LAMA3: variants seen among roughly 807,000 people sequenced by gnomAD.
LAMA3 encodes laminin subunit alpha-3.
Under a neutral mutation model 402.0 loss-of-function variants are expected in LAMA3, and 281 were observed. The ratio of observed to expected loss-of-function variants is 0.70; its 90% CI spans 0.63 to 0.77. The LOEUF (loss-of-function observed/expected upper bound fraction) is 0.77, where lower values mean the gene tolerates loss of function less well. LAMA3 is among the 30% of genes least tolerant of loss of function. The probability of loss-of-function intolerance (pLI) is 0.00; values close to 1 mark genes in which losing one functional copy is unlikely to be tolerated. For missense variants in LAMA3, 3,840 were observed against 4,215.5 expected, an observed-to-expected ratio of 0.91 and a Z score of 2.47; for synonymous variants, 1,431 against 1,558.4, an observed-to-expected ratio of 0.92 and a Z score of 1.93.
At chr18:23,938,972 G>A (rs1337704901) in intron 67 of LAMA3, among the ~76,000 whole-genome samples, 3 of 152,112 alleles carry the variant, frequency 2.0e-5, no homozygotes, top group Non-Finnish European at 2.9e-5. Context: ...AGGGGATTAC[G>A]AGGATCTGGC....
chr18:23,767,578 C>CCTTTTTTTT (rs781431700), intron 8 of LAMA3, among the ~76,000 whole-genome samples: 73 of 125,778 alleles, frequency 5.8e-4, no homozygotes, highest in African/African-American at 2.1e-3. Flanking sequence ...TCTTTCTTTT[C>CCTTTTTTTT]TTTTTTTTTT....
rs1206876932 is a variant in LAMA3, at chr18:23,893,921, C to T, written c.5411-377C>T. On this transcript the variant is annotated intron_variant, in intron 42 of 74. Coordinates refer to ENST00000313654, the MANE Select transcript of LAMA3 (RefSeq NM_198129.4). ...TGAAGAAAGCCCTAATGCGAATGAT[C>T]GAGACGTTTGATTTGATAAGAAAAC... is the stretch of plus-strand genomic sequence containing the variant. Among the ~76,000 whole-genome samples the T allele has an allele frequency of 3.3e-5, 5 of 152,114 alleles. No individual in the cohort carries two copies. The East Asian group carries it at 7.7e-4, about 23-fold the overall frequency.
chr18:23,760,751 T>C (rs1026217167), intron 7 of LAMA3, among the ~76,000 whole-genome samples: 26 of 152,314 alleles, frequency 1.7e-4, no homozygotes, highest in Middle Eastern at 3.4e-3. Context: ...TGCTGTAACG[T>C]CTGGGTAGCT....
intron 11 of LAMA3, among the ~76,000 whole-genome samples, chr18:23,779,913 A>C (rs533665642): frequency 2.0e-5 from 3 of 152,136 alleles, no homozygotes. Flanking sequence ...GCTGTGCATT[A>C]TTGCACTGTG....
chr18:23,873,513 G>A (rs1241682811), intron 38 of LAMA3, among the ~76,000 whole-genome samples: 4 of 152,158 alleles, frequency 2.6e-5, no homozygotes, highest in Admixed American at 2.6e-4. Flanking sequence ...ACCATCCCAA[G>A]CCTCAGAACA....
At chr18:23,880,565 C>A (rs2064862862) in intron 39 of LAMA3, among the ~76,000 whole-genome samples, 1 of 152,156 alleles carries the variant, frequency 6.6e-6, no homozygotes, top group Non-Finnish European at 1.5e-5. Context: ...TCCCAATCTA[C>A]CTTCAGATAT....
At position 23,719,891 on chromosome 18, in the gene LAMA3, C is replaced by G. The variant is rs186916972; in HGVS notation, c.447+5819C>G. Among the ~76,000 whole-genome samples the G allele has an allele frequency of 8.5e-5, 13 of 152,158 alleles. No homozygotes were observed. The East Asian group carries it at 2.3e-3, about 27-fold the overall frequency. ...AGCTGGTTCCCCGGGTGGACACAGC[C>G]CAATCCAGAAGGTGGATGGCTCTTG... On this transcript the variant is annotated intron_variant, in intron 2 of 74. Coordinates refer to ENST00000313654, the MANE Select transcript of LAMA3 (RefSeq NM_198129.4).
chr18:23,765,951 G>C (rs1447963428), intron 8 of LAMA3, among the ~76,000 whole-genome samples: 1 of 152,098 alleles, frequency 6.6e-6, no homozygotes, highest in Non-Finnish European at 1.5e-5. Context: ...CAAATGAACA[G>C]AGATTTGGGA....
At chr18:23,915,569 C>T (rs2081583286) in intron 59 of LAMA3, 147 bp downstream of exon 59, 2 of 735,500 alleles carry the variant, frequency 2.7e-6, no homozygotes. Context: ...TGTGTGCATG[C>T]AACACTGGCA....
At position 23,890,005 on chromosome 18, in the gene LAMA3, G is replaced by A. The variant is rs1056603456; in HGVS notation, c.5304-6G>A. On this transcript the variant is annotated splice_polypyrimidine_tract_variant and splice_region_variant and intron_variant, in intron 41 of 74. Transcript: ENST00000313654. ...GTGTTTCTCCTCCTCTCTATATTTT[G>A]TGTAGGTGTGCACCGGGATATTTCG... is the stretch of plus-strand genomic sequence containing the variant. The A allele has an allele frequency of 1.9e-6, 3 of 1,606,506 alleles. No individual in the cohort carries two copies. In the African/African-American group the frequency reaches 4.0e-5, roughly 22 times the overall value.
intron 24 of LAMA3, 151 bp from the exon 25 acceptor site, chr18:23,836,830 T>C (rs2063590793): frequency 1.5e-6 from 1 of 689,052 alleles, no homozygotes; most frequent in Admixed American, 2.0e-5. Context: ...GCGAGCTGCA[T>C]CCTTCTTCAA....
intron 39 of LAMA3, among the ~76,000 whole-genome samples, chr18:23,881,064 C>T (rs2064879526): frequency 6.6e-6 from 1 of 152,114 alleles, no homozygotes; most frequent in African/African-American, 2.4e-5. Context: ...GGGGAGTTTT[C>T]CTGGATGTTT....
intron 8 of LAMA3, among the ~76,000 whole-genome samples, chr18:23,767,692 G>A (rs1345996711): frequency 6.7e-6 from 1 of 149,046 alleles, no homozygotes; most frequent in Non-Finnish European, 1.5e-5. Context: ...TCCTGCCTCA[G>A]CCTCCCAAGT....
At chr18:23,837,183 C>A in intron 25 of LAMA3, 94 bp downstream of exon 25, 1 of 779,720 alleles carries the variant, frequency 1.3e-6, no homozygotes. Flanking sequence ...GGTTGTATTA[C>A]TCCTATAATC....
intron 37 of LAMA3, among the ~76,000 whole-genome samples, chr18:23,869,875 T>C (rs1401637185): frequency 6.6e-6 from 1 of 152,118 alleles, no homozygotes; most frequent in Non-Finnish European, 1.5e-5. Flanking sequence ...GAGACCATCC[T>C]GGCTAACACC....
chr18:23,916,436 T>G, intron 59 of LAMA3, 115 bp from the exon 60 acceptor site: 3 of 1,185,420 alleles, frequency 2.5e-6, no homozygotes, highest in Non-Finnish European at 3.8e-6. Context: ...TTATGACAAC[T>G]AGATTGCATT....
chr18:23,927,974 T>C, intron 62 of LAMA3, 149 bp from the exon 63 acceptor site: 1 of 704,930 alleles, frequency 1.4e-6, no homozygotes, highest in Non-Finnish European at 2.6e-6. Context: ...ATAAAATAAG[T>C]AGCATTATGG....
At chr18:23,837,878 A>C (rs1393763974) in intron 25 of LAMA3, among the ~76,000 whole-genome samples, 1 of 152,124 alleles carries the variant, frequency 6.6e-6, no homozygotes, top group Non-Finnish European at 1.5e-5. Flanking sequence ...TAGTATTAAA[A>C]ACTTGGAGCC....
chr18:23,712,587 C>T (rs556106786), intron 1 of LAMA3, among the ~76,000 whole-genome samples: 49 of 149,952 alleles, frequency 3.3e-4, no homozygotes, highest in African/African-American at 1.2e-3. Context: ...GGGCCACATA[C>T]ACCCAAGGCA....
Sources: gnomAD v4.1 joint callset for allele counts (sites outside exome capture counted in the v4.1 genomes callset) on GRCh38, gnomAD v4.1.1 for gene constraint, MANE v1.5 for transcripts, NCBI Gene and HGNC (gene_info 2026-07-23, HGNC 2026-07-21) for gene names.